HHIP: variants seen among roughly 807,000 people sequenced by gnomAD.
HHIP encodes hedgehog-interacting protein.
A neutral mutation model predicts 74.0 loss-of-function variants in HHIP; 12 were observed. That is an observed-to-expected ratio of 0.16 (90% CI 0.10 to 0.26). The LOEUF is 0.26. HHIP is among the 10% of genes least tolerant of loss of function. HHIP has a pLI of 1.00. For synonymous variants in HHIP, 309 were observed against 311.6 expected, an observed-to-expected ratio of 0.99 and a Z score of 0.09; for missense variants, 788 against 845.0, an observed-to-expected ratio of 0.93 and a Z score of 0.84.
At chr4:144,676,476 G>C (rs539450908) in intron 4 of HHIP, among the ~76,000 whole-genome samples, 3 of 152,128 alleles carry the variant, frequency 2.0e-5, no homozygotes, top group Non-Finnish European at 4.4e-5. Context: ...CAAAAATTTT[G>C]CATGAAAGTA....
rs1212532610 is a variant in HHIP at position 144,744,088 on chromosome 4, A to G, written c.*6131A>G. On this transcript the variant is annotated 3_prime_UTR_variant, in exon 13 of 13. Coordinates refer to ENST00000296575, the MANE Select transcript of HHIP (RefSeq NM_022475.3). The stretch of plus-strand genomic sequence containing the variant: ...CATTATATTCACAGCATATGTTTGG[A>G]CATGCGTTTCACCAAGAACCATGTA... 1.3e-5 allele frequency: 2 copies of G among 152,148 alleles called. No individual in the cohort carries two copies. The highest frequency in any genetic ancestry group is 4.8e-5 in the African/African-American group (2 of 41,448). 9.4% of individuals were successfully genotyped at this position (152,148 alleles called of 1,614,324 possible). A position where few individuals can be genotyped will look rare whatever the true frequency, so the allele number is the denominator to read the frequency against.
intron 4 of HHIP, among the ~76,000 whole-genome samples, chr4:144,686,770 C>T (rs1028298967): frequency 6.6e-6 from 1 of 152,178 alleles, no homozygotes; most frequent in African/African-American, 2.4e-5. Flanking sequence ...GAATGTAGAG[C>T]CATTTGCTGG....
chr4:144,666,505 T>G (rs763338427), intron 4 of HHIP, among the ~76,000 whole-genome samples: 1 of 152,174 alleles, frequency 6.6e-6, no homozygotes, highest in Non-Finnish European at 1.5e-5. Flanking sequence ...ATATCCCTTT[T>G]CACAGATGAA....
Position 144,708,299 on chromosome 4 carries a change from A to G in HHIP, c.1289A>G (p.His430Arg), listed in dbSNP as rs202018643. The change falls in exon 7 of 13, where the codon CAC becomes CGC. Residue 430 changes from histidine (H) to arginine (R), a missense_variant. Coordinates refer to ENST00000296575, the MANE Select transcript of HHIP (RefSeq NM_022475.3). ...QPPEVFAHGLHDPGRCAVDRH... is the reference protein window; with the variant it reads ...QPPEVFAHGLRDPGRCAVDRH... ...CCCGAAGTGTTTGCTCATGGGCTCC[A>G]CGATCCAGGCAGGTGAGAACACAAG... 2.5e-6 allele frequency: 4 copies of G among 1,614,094 alleles called. No homozygotes were observed. Among genetic ancestry groups the G allele is most frequent in the Non-Finnish European group, 3.4e-6 (4 of 1,180,000 alleles).
chr4:144,692,769 G>A (rs1444318557), intron 4 of HHIP, among the ~76,000 whole-genome samples: 1 of 152,112 alleles, frequency 6.6e-6, no homozygotes, highest in Admixed American at 6.6e-5. Context: ...TAGTGTGTCA[G>A]GGGTCATCCT....
chr4:144,720,976 G>T (rs1280904955), intron 11 of HHIP, among the ~76,000 whole-genome samples: 4 of 151,916 alleles, frequency 2.6e-5, no homozygotes, highest in African/African-American at 9.7e-5. Flanking sequence ...GGGTAGAATT[G>T]TTTTTCTAAA....
chr4:144,692,399 A>G (rs13146352), intron 4 of HHIP, among the ~76,000 whole-genome samples: 58,094 of 151,928 alleles, frequency 0.38, 13,202 homozygotes, highest in South Asian at 0.52. Flanking sequence ...CTTCTCTTCC[A>G]TTTCTCTTTT....
At chr4:144,697,255 A>AT (rs1230376996) in intron 4 of HHIP, among the ~76,000 whole-genome samples, 1 of 151,716 alleles carries the variant, frequency 6.6e-6, no homozygotes, top group Non-Finnish European at 1.5e-5. Context: ...TGTTTCTATA[A>AT]TTTTTTTCTC....
chr4:144,680,986 A>G (rs1349154001), intron 4 of HHIP, among the ~76,000 whole-genome samples: 3 of 152,234 alleles, frequency 2.0e-5, no homozygotes, highest in African/African-American at 7.2e-5. Flanking sequence ...TTAACTATAT[A>G]TTTTGACTGA....
rs1355602 is a variant in HHIP at position 144,659,433 on chromosome 4, A to C, written c.630-204A>C. On this transcript the variant is annotated intron_variant, in intron 3 of 12. Transcript: ENST00000296575. ...TTGATTCTCTTATTTTACTTTCTGA[A>C]AGAAGGCTGTTTTGTTTTTTGCCAT... Among the ~76,000 whole-genome samples the C allele has an allele frequency of 0.56, 85,642 of 152,004 alleles. 24,485 individuals carry two copies. Among genetic ancestry groups the C allele is most frequent in the South Asian group, 0.73 (3,535 of 4,820 alleles).
chr4:144,652,270 G>C (rs1728445388), intron 1 of HHIP, among the ~76,000 whole-genome samples: 1 of 152,036 alleles, frequency 6.6e-6, no homozygotes, highest in Non-Finnish European at 1.5e-5. Context: ...ATATCATTCA[G>C]TATATACTTG....
chr4:144,682,122 G>C (rs536997855), intron 4 of HHIP, among the ~76,000 whole-genome samples: 10 of 152,326 alleles, frequency 6.6e-5, no homozygotes, highest in African/African-American at 2.4e-4. Context: ...CTGAGTGATA[G>C]TGATTAGAAC....
At chr4:144,717,729 A>G (rs528739551) in intron 10 of HHIP, among the ~76,000 whole-genome samples, 1 of 152,110 alleles carries the variant, frequency 6.6e-6, no homozygotes, top group East Asian at 1.9e-4. Context: ...GAGACTGAGC[A>G]TCAAGGTCTC....
At chr4:144,653,004 G>A (rs964687002) in intron 2 of HHIP, among the ~76,000 whole-genome samples, 1 of 152,012 alleles carries the variant, frequency 6.6e-6, no homozygotes, top group African/African-American at 2.4e-5. Context: ...CATTATAATT[G>A]GTTTTGTTGA....
intron 9 of HHIP, 181 bp from the exon 10 acceptor site, chr4:144,715,119 T>G (rs1234091100): frequency 3.9e-6 from 2 of 514,818 alleles, no homozygotes; most frequent in Non-Finnish European, 6.9e-6. Flanking sequence ...TTTAAGTACT[T>G]TCTCCGCATA....
chr4:144,695,442 T>G (rs2126639856), intron 4 of HHIP, among the ~76,000 whole-genome samples: 1 of 151,898 alleles, frequency 6.6e-6, no homozygotes, highest in South Asian at 2.1e-4. Context: ...TCAATAGGGC[T>G]CTGAAGTAAT....
At chr4:144,715,069 C>T (rs1026643581) in intron 9 of HHIP, 2 of 389,810 alleles carry the variant, frequency 5.1e-6, no homozygotes, top group Non-Finnish European at 9.7e-6. Context: ...TTTTCTCATA[C>T]TCAGGTACTT....
intron 4 of HHIP, among the ~76,000 whole-genome samples, chr4:144,684,506 C>T (rs930687513): frequency 6.6e-6 from 1 of 151,390 alleles, no homozygotes; most frequent in Non-Finnish European, 1.5e-5. Context: ...GTCTCAATCT[C>T]CCGACCTCGT....
chr4:144,670,252 C>G (rs1054264291), intron 4 of HHIP, among the ~76,000 whole-genome samples: 4 of 151,476 alleles, frequency 2.6e-5, no homozygotes, highest in African/African-American at 9.7e-5. Flanking sequence ...CCTGAAGTAA[C>G]GAGTGCTCAA....
Sources: gnomAD v4.1 joint callset for allele counts (sites outside exome capture counted in the v4.1 genomes callset) on GRCh38, gnomAD v4.1.1 for gene constraint, MANE v1.5 for transcripts, NCBI Gene and HGNC (gene_info 2026-07-23, HGNC 2026-07-21) for gene names.